SH3BGRL2: variants seen among roughly 807,000 people sequenced by gnomAD.
The protein encoded by SH3BGRL2 is SH3 domain-binding glutamic acid-rich-like protein 2.
SH3BGRL2 carries 21 observed loss-of-function variants against 14.8 expected under a neutral mutation model. The observed-to-expected ratio is 1.42, with a 90% CI of 1.01 to 2.05. The LOEUF is 2.05. Ranked by LOEUF, SH3BGRL2 falls within the 30% of genes most tolerant of loss-of-function variation. SH3BGRL2 has a pLI of 0.00. For missense variants in SH3BGRL2, 147 were observed against 130.8 expected, an observed-to-expected ratio of 1.12 and a Z score of -0.61; for synonymous variants, 50 against 47.8, an observed-to-expected ratio of 1.05 and a Z score of -0.19.
intron 1 of SH3BGRL2, among the ~76,000 whole-genome samples, chr6:79,638,986 A>G (rs952485316): frequency 2.0e-5 from 3 of 152,224 alleles, no homozygotes; most frequent in Non-Finnish European, 4.4e-5. Context: ...AGACTCATGT[A>G]AGATGGTGTA....
the SH3BGRL2 span, among the ~76,000 whole-genome samples, chr6:79,547,756 C>T: frequency 6.6e-6 from 1 of 152,054 alleles, no homozygotes; most frequent in East Asian, 1.9e-4. Flanking sequence ...CTCTGGAGTT[C>T]CCCTATGCAT....
At chr6:79,628,447 C>T (rs1768769884), upstream of SH3BGRL2, among the ~76,000 whole-genome samples, 1 of 152,048 alleles carries the variant, frequency 6.6e-6, no homozygotes. Context: ...AACATGGGAG[C>T]CACTTTCTTC....
intron 1 of SH3BGRL2, among the ~76,000 whole-genome samples, chr6:79,660,675 C>T (rs977989691): frequency 2.6e-5 from 4 of 152,118 alleles, no homozygotes; most frequent in Admixed American, 1.3e-4. Context: ...GGGAGGATTC[C>T]GTCTTTTTGT....
chr6:79,644,645 C>A (rs556670282), intron 1 of SH3BGRL2, among the ~76,000 whole-genome samples: 33 of 152,220 alleles, frequency 2.2e-4, no homozygotes, highest in African/African-American at 7.9e-4. Flanking sequence ...AATTATGGAT[C>A]TGATACTCTA....
At chr6:79,583,426 T>TA in the SH3BGRL2 span, among the ~76,000 whole-genome samples, 1 of 152,216 alleles carries the variant, frequency 6.6e-6, no homozygotes, top group Non-Finnish European at 1.5e-5. Flanking sequence ...ATGTGGCATA[T>TA]ATACACCATG....
At position 79,673,715 on chromosome 6, in the gene SH3BGRL2, G is replaced by A; in HGVS notation, c.147G>A (p.Met49Ile). 10 of 1,614,138 alleles carry A rather than the reference G, an allele frequency of 6.2e-6. No homozygotes were observed. Among genetic ancestry groups the A allele is most frequent in the Non-Finnish European group, 8.5e-6 (10 of 1,180,010 alleles). Reference sequence around the variant, plus strand: ...TGTCAGAAGAACAGAGGCAATGGATGTACAAAAACGTCCCCCCGGAAAAGA... The same window carrying A: ...TGTCAGAAGAACAGAGGCAATGGATATACAAAAACGTCCCCCCGGAAAAGA... ...ITMSEEQRQW[M>I]YKNVPPEKKP... The change falls in exon 2 of 4, where the codon ATG becomes ATA. Residue 49 changes from methionine (M) to isoleucine (I), a missense_variant. By Grantham distance (10) the Met-to-Ile change is conservative. Transcript: ENST00000369838.
the SH3BGRL2 span, among the ~76,000 whole-genome samples, chr6:79,583,102 G>C: frequency 2.0e-5 from 3 of 152,190 alleles, no homozygotes; most frequent in African/African-American, 4.8e-5. Flanking sequence ...ACACCAGTTA[G>C]AATGGCAATC....
chr6:79,626,928 C>G (rs1768743724), upstream of SH3BGRL2, among the ~76,000 whole-genome samples: 1 of 152,122 alleles, frequency 6.6e-6, no homozygotes, highest in Non-Finnish European at 1.5e-5. Context: ...CGCACTTAAA[C>G]TAGCTCAAGA....
chr6:79,545,371 GC>G, the SH3BGRL2 span, among the ~76,000 whole-genome samples: 10 of 152,276 alleles, frequency 6.6e-5, no homozygotes, highest in East Asian at 1.9e-3. Flanking sequence ...GTCAAATGAT[GC>G]ATGCTTTATT....
intron 1 of SH3BGRL2, among the ~76,000 whole-genome samples, chr6:79,652,327 T>C: frequency 6.6e-6 from 1 of 152,244 alleles, no homozygotes; most frequent in East Asian, 1.9e-4. Context: ...GCGACTTTAC[T>C]GAGTAATTTT....
intron 1 of SH3BGRL2, among the ~76,000 whole-genome samples, chr6:79,641,263 C>T (rs1402742939): frequency 2.0e-5 from 3 of 151,366 alleles, no homozygotes; most frequent in Non-Finnish European, 2.9e-5. Context: ...TGTTCATTAG[C>T]GTGGTTTCTT....
chr6:79,701,921 G>A lies in SH3BGRL2; in HGVS notation c.*2412G>A, dbSNP rs1770466025. On this transcript the variant is annotated 3_prime_UTR_variant, in exon 4 of 4. Transcript: ENST00000369838. ...GAAGTGGATGGGAATTGTAGGCATAGATTTCATATCAAGGGCATTTCAAGA... is the reference window on the plus strand; with the variant it reads ...GAAGTGGATGGGAATTGTAGGCATAAATTTCATATCAAGGGCATTTCAAGA... The A allele has an allele frequency of 6.6e-6, 1 of 152,598 alleles. No homozygotes were observed. Among genetic ancestry groups the A allele is most frequent in the African/African-American group, 2.4e-5 (1 of 41,452 alleles). The allele number at this position is 152,598 out of a possible 1,614,324, so 9.5% of individuals were successfully genotyped here. A position where few individuals can be genotyped will look rare whatever the true frequency, so the allele number is the denominator to read the frequency against.
At chr6:79,576,706 A>T in the SH3BGRL2 span, among the ~76,000 whole-genome samples, 13 of 152,308 alleles carry the variant, frequency 8.5e-5, no homozygotes, top group South Asian at 2.7e-3. Context: ...GTTTTAAAAA[A>T]TTTATAAACC....
At chr6:79,594,739 GAA>G in the SH3BGRL2 span, among the ~76,000 whole-genome samples, 2 of 152,132 alleles carry the variant, frequency 1.3e-5, no homozygotes, top group African/African-American at 4.8e-5. Flanking sequence ...GCAAATCTGA[GAA>G]ACTACATTAA....
At chr6:79,668,601 G>T (rs891325897) in intron 1 of SH3BGRL2, among the ~76,000 whole-genome samples, 7 of 151,982 alleles carry the variant, frequency 4.6e-5, no homozygotes, top group East Asian at 1.9e-4. Context: ...TGAAGTTAGT[G>T]GGGGGGAGTG....
chr6:79,653,777 C>G (rs573790926), intron 1 of SH3BGRL2, among the ~76,000 whole-genome samples: 1 of 152,078 alleles, frequency 6.6e-6, no homozygotes, highest in Non-Finnish European at 1.5e-5. Flanking sequence ...GAAAGCACCC[C>G]AGAGATGGCA....
the SH3BGRL2 span, among the ~76,000 whole-genome samples, chr6:79,588,967 G>T: frequency 9.2e-5 from 14 of 152,026 alleles, no homozygotes; most frequent in African/African-American, 3.4e-4. Context: ...TCTCTAGGGG[G>T]TTGGTTCCAA....
At chr6:79,657,708 C>T (rs1221960173) in intron 1 of SH3BGRL2, among the ~76,000 whole-genome samples, 4 of 150,864 alleles carry the variant, frequency 2.7e-5, no homozygotes, top group Admixed American at 2.6e-4. Context: ...CCTCCACCTC[C>T]CGGGTTCAAG....
intron 2 of SH3BGRL2, among the ~76,000 whole-genome samples, chr6:79,681,939 G>A (rs1327011129): frequency 6.7e-6 from 1 of 150,374 alleles, no homozygotes; most frequent in Non-Finnish European, 1.5e-5. Context: ...GGGACAGAGT[G>A]AGACTCCGTC....
Sources: gnomAD v4.1 joint callset for allele counts (sites outside exome capture counted in the v4.1 genomes callset) on GRCh38, gnomAD v4.1.1 for gene constraint, MANE v1.5 for transcripts, NCBI Gene and HGNC (gene_info 2026-07-23, HGNC 2026-07-21) for gene names.